Variants in ADGRA3 observed in about 807,000 individuals in gnomAD.
ADGRA3 encodes G-protein coupled receptor 125.
A neutral mutation model predicts 119.8 loss-of-function variants in ADGRA3; 56 were observed. That is an observed-to-expected ratio of 0.47 (90% CI 0.38 to 0.58). The LOEUF is 0.58. Ranked by LOEUF, ADGRA3 falls within the 20% of genes least tolerant of loss-of-function variation. The pLI is 0.00. For missense variants in ADGRA3, 1,516 were observed against 1,649.0 expected (o/e 0.92, Z 1.40); for synonymous variants, 607 against 623.8 (o/e 0.97, Z 0.40).
At chr4:22,422,783 T>C (rs951469589) in intron 11 of ADGRA3, among the ~76,000 whole-genome samples, 9 of 152,166 alleles carry the variant, frequency 5.9e-5, no homozygotes, top group Non-Finnish European at 1.2e-4. Flanking sequence ...TTAATAAGCA[T>C]GGCTAAAGGA....
At chr4:22,405,248 G>A (rs1227615934) in intron 14 of ADGRA3, among the ~76,000 whole-genome samples, 1 of 152,144 alleles carries the variant, frequency 6.6e-6, no homozygotes, top group Non-Finnish European at 1.5e-5. Flanking sequence ...GAAGAAATCA[G>A]TTATTTTTGG....
intron 2 of ADGRA3, among the ~76,000 whole-genome samples, chr4:22,468,551 T>C (rs956160604): frequency 1.3e-5 from 2 of 151,462 alleles, no homozygotes; most frequent in Non-Finnish European, 2.9e-5. Context: ...GACAGATCAC[T>C]TGAGGTCAGG....
intron 1 of ADGRA3, among the ~76,000 whole-genome samples, chr4:22,489,396 T>C (rs1183970716): frequency 6.6e-6 from 1 of 152,176 alleles, no homozygotes; most frequent in Admixed American, 6.6e-5. Context: ...TGGGTATAGA[T>C]CATGATGGTT....
chr4:22,470,434 G>A (rs1264874584), intron 2 of ADGRA3, among the ~76,000 whole-genome samples: 11 of 151,804 alleles, frequency 7.2e-5, no homozygotes, highest in Admixed American at 5.3e-4. Context: ...ATGTTCATTA[G>A]TTCAACGGAG....
chr4:22,410,055 A>G lies in ADGRA3; in HGVS notation c.2232+3127T>C, dbSNP rs990868684. Among the ~76,000 whole-genome samples, 3 of 152,180 alleles carry G rather than the reference A, an allele frequency of 2.0e-5. No homozygotes were observed. In the East Asian group the frequency reaches 5.8e-4, roughly 29 times the overall value. On this transcript the variant is annotated intron_variant, in intron 14 of 18. Coordinates refer to ENST00000334304, the MANE Select transcript of ADGRA3 (RefSeq NM_145290.4). ...AAATGATATCAAAGTTGCTTTGAAT[A>G]CCATTTTAATCTATAAAATGACATA...
intron 12 of ADGRA3, 166 bp downstream of exon 12, chr4:22,420,720 A>AT: frequency 1.5e-6 from 1 of 659,972 alleles, no homozygotes; most frequent in Non-Finnish European, 2.6e-6. Context: ...GAAAGTCGTA[A>AT]TGCAGTTCTT....
At chr4:22,423,607 T>C (rs933074932) in intron 11 of ADGRA3, among the ~76,000 whole-genome samples, 2 of 152,226 alleles carry the variant, frequency 1.3e-5, no homozygotes, top group Admixed American at 6.5e-5. Flanking sequence ...TACTATGTAA[T>C]TGAGTGATCA....
intron 8 of ADGRA3, among the ~76,000 whole-genome samples, 177 bp from the exon 9 acceptor site, chr4:22,436,818 C>A (rs1298793364): frequency 2.6e-5 from 4 of 152,176 alleles, no homozygotes; most frequent in Admixed American, 1.3e-4. Context: ...GTCTCCAAAA[C>A]TGAGAATGAA....
chr4:22,513,044 C>G (rs957156725), intron 1 of ADGRA3, among the ~76,000 whole-genome samples: 2 of 152,070 alleles, frequency 1.3e-5, no homozygotes, highest in African/African-American at 2.4e-5. Flanking sequence ...TACAGTAACT[C>G]TAACTCTTTC....
chr4:22,461,818 A>T lies in ADGRA3; in HGVS notation c.330-10T>A, dbSNP rs763831512. ...ATTGTTTCGGAGGTCCCTGTTAAAA[A>T]TAAAATAAAAGTTATTCACATATCA... On this transcript the variant is annotated splice_polypyrimidine_tract_variant and intron_variant, in intron 2 of 18. Coordinates refer to ENST00000334304, the MANE Select transcript of ADGRA3 (RefSeq NM_145290.4). The T allele has an allele frequency of 1.9e-6, 3 of 1,582,972 alleles. No homozygotes were observed. Among genetic ancestry groups the T allele is most frequent in the Non-Finnish European group, 2.6e-6 (3 of 1,153,808 alleles).
At chr4:22,396,432 A>G (rs1377944593) in intron 16 of ADGRA3, among the ~76,000 whole-genome samples, 2 of 152,236 alleles carry the variant, frequency 1.3e-5, no homozygotes, top group African/African-American at 4.8e-5. Context: ...TCAGGTTGTC[A>G]GAGGTAAGAA....
intron 7 of ADGRA3, 118 bp from the exon 8 acceptor site, chr4:22,438,538 C>A: frequency 1.4e-6 from 1 of 726,106 alleles, no homozygotes; most frequent in Non-Finnish European, 2.2e-6. Context: ...GGGGTAAGCA[C>A]TTGCTATATA....
chr4:22,420,887 T>C lies in ADGRA3; in HGVS notation c.1808A>G (p.Lys603Arg). The C allele has an allele frequency of 6.2e-7, 1 of 1,613,182 alleles. No homozygotes were observed. Among genetic ancestry groups the C allele is most frequent in the Non-Finnish European group, 8.5e-7 (1 of 1,179,120 alleles). Residue 603 changes from lysine (K) to arginine (R), a missense_variant and splice_region_variant, in exon 12 of 19, where the codon AAG becomes AGG. Coordinates refer to ENST00000334304, the MANE Select transcript of ADGRA3 (RefSeq NM_145290.4). ...VSNTFSSLALKNTIVEASIQL... is the reference protein window; with the variant it reads ...VSNTFSSLALRNTIVEASIQL... The stretch of plus-strand genomic sequence containing the variant: ...AAATGATTGCAGAATGTAACATACC[T>C]TTAGTGCCAGACTCGAAAATGTATT...
intron 1 of ADGRA3, among the ~76,000 whole-genome samples, chr4:22,476,601 C>T (rs1718053465): frequency 6.6e-6 from 1 of 151,506 alleles, no homozygotes; most frequent in African/African-American, 2.4e-5. Context: ...GGGAAGAAAA[C>T]ATCAAAATGA....
rs1346734130 is a variant in ADGRA3 at position 22,447,660 on chromosome 4, A to C, written c.474-149T>G. 6.1e-6 allele frequency: 3 copies of C among 495,372 alleles called. No individual in the cohort carries two copies. In the Admixed American group the frequency reaches 1.3e-4, roughly 21 times the overall value. 30.7% of individuals were successfully genotyped at this position (495,372 alleles called of 1,614,324 possible). A position where few individuals can be genotyped will look rare whatever the true frequency, so the allele number is the denominator to read the frequency against. On this transcript the variant is annotated intron_variant, in intron 4 of 18. Transcript: ENST00000334304. ...ATGCTTATAAAGAGGGAGCGATTAG[A>C]AAACACTTCCTCCAAGGGTGAAGAA...
chr4:22,389,462 T>G (rs924314665), intron 17 of ADGRA3, among the ~76,000 whole-genome samples: 1 of 152,074 alleles, frequency 6.6e-6, no homozygotes, highest in Admixed American at 6.6e-5. Flanking sequence ...AAAGTAACAC[T>G]CTGAGCCTGC....
At chr4:22,478,263 C>T (rs1462259402) in intron 1 of ADGRA3, 3 of 152,038 alleles carry the variant, frequency 2.0e-5, no homozygotes, top group Non-Finnish European at 4.4e-5. Context: ...GTGAGACTTA[C>T]TATACATATT....
At chr4:22,409,581 T>A (rs1715102777) in intron 14 of ADGRA3, among the ~76,000 whole-genome samples, 1 of 152,156 alleles carries the variant, frequency 6.6e-6, no homozygotes, top group South Asian at 2.1e-4. Context: ...CTCATGAGGC[T>A]GTTATAAGAG....
At chr4:22,505,596 G>C (rs1242305493) in intron 1 of ADGRA3, among the ~76,000 whole-genome samples, 1 of 147,586 alleles carries the variant, frequency 6.8e-6, no homozygotes, top group East Asian at 2.0e-4. Flanking sequence ...GCAGTGAGCA[G>C]ACATCGCGCC....
Sources: allele counts gnomAD v4.1 joint callset (sites outside exome capture counted in the v4.1 genomes callset), GRCh38; gene constraint gnomAD v4.1.1; transcripts MANE v1.5; gene names NCBI Gene and HGNC (gene_info 2026-07-23, HGNC 2026-07-21).